SLC12A4: variants seen among roughly 807,000 people sequenced by gnomAD.
SLC12A4 encodes electroneutral potassium-chloride cotransporter 1.
In SLC12A4, 84 loss-of-function variants were observed where a neutral mutation model predicts 119.2. The ratio of observed to expected loss-of-function variants is 0.70; its 90% CI spans 0.59 to 0.85. SLC12A4 has a LOEUF of 0.85. Ranked by LOEUF, SLC12A4 falls within the 40% of genes least tolerant of loss-of-function variation. The pLI is 0.00. For synonymous variants in SLC12A4, 599 were observed against 604.6 expected (o/e 0.99, Z 0.14); for missense variants, 1,298 against 1,476.3 (o/e 0.88, Z 1.98).
In SLC12A4 at chr16:67,951,978, G is replaced by T. The variant is rs144161179; in HGVS notation, c.977C>A (p.Thr326Lys). The change falls in exon 8 of 24, where the codon ACA becomes AAA. Residue 326 changes from threonine (T) to lysine (K), a missense_variant. Coordinates refer to ENST00000316341, the MANE Select transcript of SLC12A4 (RefSeq NM_005072.5). This position sits in a 1 kb window ranked among gnomAD's most constrained non-coding sequence, Gnocchi z 5.2. ...CACTGTCTCATTGTCCACTACAGCT[G>T]TCTTGGCACAGATGTCAAACTGGTC... ...SRDQFDICAKTAVVDNETVAT... is the reference protein window; with the variant it reads ...SRDQFDICAKKAVVDNETVAT... 13 of 1,614,036 alleles carry T rather than the reference G, an allele frequency of 8.1e-6. No homozygotes were observed. In the African/African-American group the frequency reaches 1.6e-4, roughly 20 times the overall value.
Position 67,961,694 on chromosome 16 carries a change from T to C in SLC12A4, c.223A>G (p.Ile75Val), listed in dbSNP as rs772798346. ...AGAAGAGACGATACCTTTGGGCGGA[T>C]GTCCAGCTCTTCCTGCAAACAGAGC... ...NLALFEEELD[I>V]RPKVSSLLGK... The change falls in exon 3 of 24, where the codon ATC becomes GTC. Residue 75 changes from isoleucine (I) to valine (V), a missense_variant. Ile to Val is a conservative substitution (Grantham distance 29). Transcript: ENST00000316341. 6.2e-7 allele frequency: 1 copy of C among 1,614,120 alleles called. No individual in the cohort carries two copies. The highest frequency in any genetic ancestry group is 8.5e-7 in the Non-Finnish European group (1 of 1,179,988).
intron 6 of SLC12A4, chr16:67,954,184 G>A (rs2030112336): frequency 2.6e-6 from 1 of 384,656 alleles, no homozygotes; most frequent in Admixed American, 3.2e-5. Context: ...CGTGGAGGGA[G>A]CGCCGACCTC....
At chr16:67,946,814 C>T in intron 17 of SLC12A4, 123 bp downstream of exon 17, 3 of 1,279,092 alleles carry the variant, frequency 2.3e-6, no homozygotes. Context: ...TGCCAGCTCT[C>T]AGGTGGCAGC....
chr16:67,961,815 G>T, intron 2 of SLC12A4, 109 bp from the exon 3 acceptor site: 1 of 1,427,176 alleles, frequency 7.0e-7, no homozygotes. Flanking sequence ...ACAGGCCTGG[G>T]CCTGATCCCA....
rs1251553846 is a variant in SLC12A4, at chr16:67,953,297, G to A, written c.676-872C>T. Among the ~76,000 whole-genome samples the A allele has an allele frequency of 2.0e-5, 3 of 152,180 alleles. 1 individual carries two copies. The highest frequency in any genetic ancestry group is 7.2e-5 in the African/African-American group (3 of 41,432). ...AGCTACTCGGGAGGCTGAGGCAGGAGAATCACTTGAACCCAGGAGGCGGAA... is the reference window on the plus strand; with the variant it reads ...AGCTACTCGGGAGGCTGAGGCAGGAAAATCACTTGAACCCAGGAGGCGGAA... On this transcript the variant is annotated intron_variant, in intron 6 of 23. Transcript: ENST00000316341.
Position 67,943,698 on chromosome 16 carries a change from C to G in SLC12A4, c.*1142G>C, listed in dbSNP as rs1192240540. ...TGACCACAGCTTGTGATGCCCCAGC[C>G]AAGACCTCAGGCACACCCCGTCCCC... is the stretch of plus-strand genomic sequence containing the variant. On this transcript the variant is annotated 3_prime_UTR_variant, in exon 24 of 24. Transcript: ENST00000316341. This position sits in a 1 kb window ranked among gnomAD's most constrained non-coding sequence, Gnocchi z 4.6. 6 of 553,442 alleles carry G rather than the reference C, an allele frequency of 1.1e-5. No individual in the cohort carries two copies. The highest frequency in any genetic ancestry group is 1.6e-5 in the Non-Finnish European group (5 of 311,362). 34.3% of individuals were successfully genotyped at this position (553,442 alleles called of 1,614,324 possible). A position where few individuals can be genotyped will look rare whatever the true frequency, so the allele number is the denominator to read the frequency against.
At position 67,944,917 on chromosome 16, in the gene SLC12A4, C is replaced by T. The variant is rs369427961; in HGVS notation, c.3181G>A (p.Glu1061Lys). Reference sequence around the variant, plus strand: ...CGCTCAAGGCCCTCGGTCAGCACCTCGAGGAACTCCATGTCTGCAGGGCCT... The same window carrying T: ...CGCTCAAGGCCCTCGGTCAGCACCTTGAGGAACTCCATGTCTGCAGGGCCT... ...EGDENYMEFL[E>K]VLTEGLERVL... is the part of the protein sequence containing the mutation. Residue 1061 changes from glutamate (E) to lysine (K), a missense_variant, in exon 24 of 24, where the codon GAG becomes AAG. Transcript: ENST00000316341. The surrounding 1 kb of genome is among the most constrained non-coding windows in gnomAD (Gnocchi z 6.6). 9 of 1,613,406 alleles carry T rather than the reference C, an allele frequency of 5.6e-6. No homozygotes were observed. The highest frequency in any genetic ancestry group is 2.2e-5 in the South Asian group (2 of 91,082).
intron 1 of SLC12A4, among the ~76,000 whole-genome samples, chr16:67,965,953 G>A (rs186686670): frequency 7.7e-4 from 118 of 152,308 alleles, no homozygotes; most frequent in Non-Finnish European, 8.5e-4. Context: ...TGCAGGTTCC[G>A]TTCCTACTAC....
At position 67,946,526 on chromosome 16, in the gene SLC12A4, C is replaced by T. The variant is rs745661940; in HGVS notation, c.2349G>A (p.Leu783=). Reference sequence around the variant, plus strand: ...CCACGGAGTTATGCCGCATGCCTCCCAGGCCACAGGACTGGATGAGGTGGG... The same window carrying T: ...CCACGGAGTTATGCCGCATGCCTCCTAGGCCACAGGACTGGATGAGGTGGG... ...GLAHLIQSCG[L]GGMRHNSVVL... is the part of the protein sequence containing the mutation. Residue 783 remains leucine, a synonymous_variant, in exon 18 of 24, where the codon CTG becomes CTA. Transcript: ENST00000316341. 2 of 1,610,798 alleles carry T rather than the reference C, an allele frequency of 1.2e-6. No homozygotes were observed. Among genetic ancestry groups the T allele is most frequent in the South Asian group, 1.1e-5 (1 of 91,086 alleles).
chr16:67,946,616 C>T lies in SLC12A4; in HGVS notation c.2259G>A (p.Met753Ile), dbSNP rs1240540364. ...AGAAGCCCTTCACCTTCTCAATTTC[C>T]ATCATGTTCTTGATGGTCTGTGGGG... ...QAAEQTIKNM[M>I]EIEKVKGFCQ... Residue 753 changes from methionine to isoleucine, a missense_variant, in exon 18 of 24, where the codon ATG becomes ATA. Coordinates refer to ENST00000316341, the MANE Select transcript of SLC12A4 (RefSeq NM_005072.5). The T allele has an allele frequency of 6.2e-7, 1 of 1,612,766 alleles. No individual in the cohort carries two copies. Among genetic ancestry groups the T allele is most frequent in the South Asian group, 1.1e-5 (1 of 91,052 alleles).
rs374345059 is a variant in SLC12A4 at position 67,957,461 on chromosome 16, G to A, written c.544+281C>T. Reference sequence around the variant, plus strand: ...TGGGATTACAGGCATGAGCCACCGCGCCTGGCCTTTTTTTGCACTTTCAAA... The same window carrying A: ...TGGGATTACAGGCATGAGCCACCGCACCTGGCCTTTTTTTGCACTTTCAAA... On this transcript the variant is annotated intron_variant, in intron 5 of 23. Transcript: ENST00000316341. 31 of 396,508 alleles carry A rather than the reference G, an allele frequency of 7.8e-5. No individual in the cohort carries two copies. The East Asian group carries it at 8.7e-4, about 11-fold the overall frequency. 24.6% of individuals were successfully genotyped at this position (396,508 alleles called of 1,614,324 possible).
chr16:67,953,274 C>G (rs1479709825), intron 6 of SLC12A4, among the ~76,000 whole-genome samples: 3 of 152,116 alleles, frequency 2.0e-5, no homozygotes, highest in African/African-American at 7.2e-5. Flanking sequence ...GTAATCCCAG[C>G]TACTCGGGAG....
At position 67,944,028 on chromosome 16, in the gene SLC12A4, A is replaced by AAGGGGGCGGCAGG; in HGVS notation, c.*799_*811dup. 6.5e-7 allele frequency: 1 copy of AAGGGGGCGGCAGG among 1,547,828 alleles called. No homozygotes were observed. The highest frequency in any genetic ancestry group is 1.2e-5 in the South Asian group (1 of 83,868). ...GGGGAAGAGCACATTGAGGAGCCAGAAGGGGGCGGCAGGAGGGAGCAGCAG... is the reference window on the plus strand; with the variant it reads ...GGGGAAGAGCACATTGAGGAGCCAGAAGGGGGCGGCAGGAGGGGGCGGCAGGAGGGAGCAGCAG... On this transcript the variant is annotated 3_prime_UTR_variant, in exon 24 of 24. Transcript: ENST00000316341. The surrounding 1 kb of genome is among the most constrained non-coding windows in gnomAD (Gnocchi z 6.6).
chr16:67,966,720 T>C (rs564011858), intron 1 of SLC12A4: 2 of 1,551,236 alleles, frequency 1.3e-6, no homozygotes, highest in Non-Finnish European at 1.7e-6. Flanking sequence ...CTCTGACCCT[T>C]TGCAGTCCCC....
intron 13 of SLC12A4, among the ~76,000 whole-genome samples, chr16:67,948,380 C>T (rs947997246): frequency 1.3e-5 from 2 of 152,164 alleles, no homozygotes; most frequent in African/African-American, 4.8e-5. Context: ...CAAGGGTTTG[C>T]TGTTGGAGGA....
Position 67,946,200 on chromosome 16 carries a change from G to A in SLC12A4, c.2578C>T (p.Leu860Phe), listed in dbSNP as rs1302434839. ...WIVHDGGMLM[L>F]LPFLLRQHKV... ...TGCTGGCGCAGCAGGAAGGGCAGAA[G>A]CATGAGCATGCCACCATCGTGCACG... Residue 860 changes from leucine to phenylalanine, a missense_variant, in exon 19 of 24, where the codon CTT becomes TTT. Physicochemically the swap from Leu to Phe is conservative, Grantham distance 22. Transcript: ENST00000316341. The A allele has an allele frequency of 1.9e-6, 3 of 1,613,818 alleles. No individual in the cohort carries two copies. The East Asian group carries it at 6.7e-5, about 36-fold the overall frequency.
At position 67,945,453 on chromosome 16, in the gene SLC12A4, G is replaced by A. The variant is rs781490680; in HGVS notation, c.2948C>T (p.Thr983Met). The change falls in exon 22 of 24, where the codon ACG (threonine) becomes ATG (methionine). Residue 983 changes from threonine to methionine, a missense_variant. Coordinates refer to ENST00000316341, the MANE Select transcript of SLC12A4 (RefSeq NM_005072.5). ...AGTCATGTACTTGTCCCTGGTCCAC[G>A]TCATCTGGATCTTGTCAGCCCCCAC... is the stretch of plus-strand genomic sequence containing the variant. ...SAVGADKIQM[T>M]WTRDKYMTET... 17 of 1,613,980 alleles carry A rather than the reference G, an allele frequency of 1.1e-5. No homozygotes were observed. The highest frequency in any genetic ancestry group is 7.7e-5 in the South Asian group (7 of 91,092).
At chr16:67,967,004 G>T (rs566105310) in intron 1 of SLC12A4, 6 of 927,344 alleles carry the variant, frequency 6.5e-6, no homozygotes, top group Non-Finnish European at 9.1e-6. Context: ...ATGCAGCCCA[G>T]TCTACCCTCT....
rs2030575800 is a variant in SLC12A4 at position 67,961,601 on chromosome 16, C to T, written c.316G>A (p.Glu106Lys). Residue 106 changes from glutamate (E) to lysine (K), a missense_variant, in exon 3 of 24, where the codon GAG (glutamate) becomes AAG (lysine). Physicochemically the swap from Glu to Lys is moderately conservative, Grantham distance 56. Coordinates refer to ENST00000316341, the MANE Select transcript of SLC12A4 (RefSeq NM_005072.5). ...TCGGCTGCCCTCCGGCGGGTGCCCT[C>T]CCCACTCTCGGCCTCCTCATGCTCT... Reference protein sequence around the residue: ...AKEHEEAESGEGTRRRAAEAP... With the variant: ...AKEHEEAESGKGTRRRAAEAP... 6.2e-7 allele frequency: 1 copy of T among 1,613,734 alleles called. No individual in the cohort carries two copies. Among genetic ancestry groups the T allele is most frequent in the Admixed American group, 1.7e-5 (1 of 60,004 alleles).
Sources: gnomAD v4.1 joint callset for allele counts (sites outside exome capture counted in the v4.1 genomes callset) on GRCh38, gnomAD v4.1.1 for gene constraint, Gnocchi (gnomAD v3.1) non-coding constraint, MANE v1.5 for transcripts, NCBI Gene and HGNC (gene_info 2026-07-23, HGNC 2026-07-21) for gene names.